GLDC: variants seen among roughly 807,000 people sequenced by gnomAD.
GLDC encodes glycine dehydrogenase (decarboxylating), mitochondrial.
Under a neutral mutation model 121.3 loss-of-function variants are expected in GLDC, and 104 were observed. The ratio of observed to expected loss-of-function variants is 0.86; its 90% CI spans 0.73 to 1.01. The LOEUF (loss-of-function observed/expected upper bound fraction) is 1.01. Ranked by LOEUF, GLDC falls within the 50% of genes least tolerant of loss-of-function variation. The probability of loss-of-function intolerance (pLI) is 0.00; values close to 1 mark genes in which losing one functional copy is unlikely to be tolerated. For synonymous variants in GLDC, 546 were observed against 480.6 expected (o/e 1.14, Z -1.78); for missense variants, 1,429 against 1,306.6 (o/e 1.09, Z -1.44).
intron 2 of GLDC, among the ~76,000 whole-genome samples, chr9:6,636,219 G>A (rs575801259): frequency 7.9e-5 from 12 of 151,804 alleles, no homozygotes; most frequent in Admixed American, 3.3e-4. Flanking sequence ...CAGGAGAATC[G>A]CTTGAACCCA....
At position 6,589,179 on chromosome 9, in the gene GLDC, C is replaced by A. The variant is rs1818327175; in HGVS notation, c.1580+16G>T. ...ACCAAAGCACAAAACGCAGAAGTCA[C>A]ACAAGACACACAAACCTGTTGAACA... On this transcript the variant is annotated intron_variant, in intron 12 of 24. Transcript: ENST00000321612. The A allele has an allele frequency of 5.3e-6, 8 of 1,501,512 alleles. No individual in the cohort carries two copies. Among genetic ancestry groups the A allele is most frequent in the Non-Finnish European group, 6.5e-6 (7 of 1,077,118 alleles). 93.0% of individuals were successfully genotyped at this position (1,501,512 alleles called of 1,614,324 possible).
At chr9:6,621,110 T>C (rs1004053980) in intron 2 of GLDC, among the ~76,000 whole-genome samples, 1 of 152,104 alleles carries the variant, frequency 6.6e-6, no homozygotes, top group Non-Finnish European at 1.5e-5. Context: ...GCAGAGATTG[T>C]AGTGAGCTAA....
At chr9:6,614,184 G>A (rs529195990) in intron 3 of GLDC, among the ~76,000 whole-genome samples, 2 of 152,286 alleles carry the variant, frequency 1.3e-5, no homozygotes, top group East Asian at 3.9e-4. Context: ...GTGATTCACA[G>A]ATATCCTTGC....
chr9:6,588,523 C>G, intron 13 of GLDC, 81 bp from the exon 14 acceptor site: 1 of 1,426,188 alleles, frequency 7.0e-7, no homozygotes, highest in Non-Finnish European at 9.9e-7. Context: ...CCCAGCATGG[C>G]CACCCCTTTG....
At chr9:6,565,085 T>C (rs918765006) in intron 16 of GLDC, among the ~76,000 whole-genome samples, 1 of 152,216 alleles carries the variant, frequency 6.6e-6, no homozygotes, top group African/African-American at 2.4e-5. Flanking sequence ...CTCTGCTCCC[T>C]AGAGAGCAGT....
intron 22 of GLDC, among the ~76,000 whole-genome samples, chr9:6,536,456 A>G (rs1026983267): frequency 2.6e-5 from 4 of 152,240 alleles, no homozygotes; most frequent in Non-Finnish European, 1.5e-5. Context: ...CAAATTTTAC[A>G]GAGCACCTAT....
At chr9:6,604,168 G>A (rs539511956) in intron 7 of GLDC, among the ~76,000 whole-genome samples, 5 of 152,210 alleles carry the variant, frequency 3.3e-5, no homozygotes, top group African/African-American at 1.2e-4. Context: ...AAATGGCCAC[G>A]TGGCGGAAGC....
At chr9:6,593,387 G>A (rs915033506) in intron 9 of GLDC, among the ~76,000 whole-genome samples, 1 of 151,242 alleles carries the variant, frequency 6.6e-6, no homozygotes. Context: ...CAAACTCCTG[G>A]GCTCAAGCTC....
At chr9:6,539,387 G>A (rs577428392) in intron 22 of GLDC, among the ~76,000 whole-genome samples, 1 of 152,242 alleles carries the variant, frequency 6.6e-6, no homozygotes, top group East Asian at 1.9e-4. Flanking sequence ...GCTGAGGCAT[G>A]AGAATCACTT....
At chr9:6,548,244 A>C (rs1321241548) in intron 21 of GLDC, among the ~76,000 whole-genome samples, 2 of 152,232 alleles carry the variant, frequency 1.3e-5, no homozygotes, top group African/African-American at 4.8e-5. Flanking sequence ...TTTCTTTGTC[A>C]TGCTTTATTA....
intron 23 of GLDC, among the ~76,000 whole-genome samples, chr9:6,535,160 T>C (rs958874672): frequency 1.3e-5 from 2 of 152,278 alleles, no homozygotes; most frequent in South Asian, 2.1e-4. Context: ...CATATGTTAA[T>C]AAACTGCATA....
At chr9:6,583,213 A>C (rs1818205932) in intron 15 of GLDC, among the ~76,000 whole-genome samples, 1 of 152,176 alleles carries the variant, frequency 6.6e-6, no homozygotes, top group Non-Finnish European at 1.5e-5. Context: ...CCACTTCTGA[A>C]TATATACCAA....
intron 23 of GLDC, 179 bp downstream of exon 23, chr9:6,535,885 G>A (rs536086749): frequency 1.1e-5 from 7 of 649,912 alleles, no homozygotes; most frequent in African/African-American, 1.1e-4. Flanking sequence ...TTGAGTAACT[G>A]CTATGCTGTT....
chr9:6,599,075 T>G (rs1289031007), intron 8 of GLDC, among the ~76,000 whole-genome samples: 1 of 151,302 alleles, frequency 6.6e-6, no homozygotes, highest in African/African-American at 2.4e-5. Context: ...TCCCAGCTAC[T>G]CAGGAGGCTG....
Position 6,550,851 on chromosome 9 carries a change from C to A in GLDC, c.2521G>T (p.Ala841Ser). 6.2e-7 allele frequency: 1 copy of A among 1,613,724 alleles called. No homozygotes were observed. The highest frequency in any genetic ancestry group is 8.5e-7 in the Non-Finnish European group (1 of 1,179,620). The change falls in exon 21 of 25, where the codon GCC (alanine) becomes TCC (serine). Residue 841 changes from alanine (A) to serine (S), a missense_variant. By Grantham distance (99) the Ala-to-Ser change is moderately conservative (BLOSUM62 1). Coordinates refer to ENST00000321612, the MANE Select transcript of GLDC (RefSeq NM_000170.3). ...CTGTAGTGTGTTTCTAATCGCTTGG[C>A]CATGTAGTTGGCATTTAATATCGCA... ...ETAILNANYMAKRLETHYRIL... is the reference protein window; with the variant it reads ...ETAILNANYMSKRLETHYRIL...
intron 15 of GLDC, among the ~76,000 whole-genome samples, chr9:6,579,686 T>C (rs1818137889): frequency 6.6e-6 from 1 of 152,192 alleles, no homozygotes; most frequent in African/African-American, 2.4e-5. Flanking sequence ...ATGGTTTTAG[T>C]TGCAGAATGT....
chr9:6,618,101 T>C (rs969880018), intron 3 of GLDC, among the ~76,000 whole-genome samples: 4 of 152,238 alleles, frequency 2.6e-5, no homozygotes, highest in East Asian at 1.9e-4. Context: ...ATTATCACCA[T>C]ACTCCATCTA....
intron 14 of GLDC, among the ~76,000 whole-genome samples, 156 bp downstream of exon 14, chr9:6,588,245 A>T (rs775671410): frequency 1.3e-5 from 2 of 152,166 alleles, no homozygotes; most frequent in Non-Finnish European, 2.9e-5. Context: ...ATACAGGGTT[A>T]CTCCCAAGAT....
rs184118598 is a variant in GLDC at position 6,583,797 on chromosome 9, G to A, written c.1850+3344C>T. The stretch of plus-strand genomic sequence containing the variant: ...CAAATATTGTATGATCCACTTATAC[G>A]AGGTTCCTAAAGTAGTCAAATTCAT... On this transcript the variant is annotated intron_variant, in intron 15 of 24. Coordinates refer to ENST00000321612, the MANE Select transcript of GLDC (RefSeq NM_000170.3). Among the ~76,000 whole-genome samples, 23 of 152,280 alleles carry A rather than the reference G, an allele frequency of 1.5e-4. No individual in the cohort carries two copies. The East Asian group carries it at 4.0e-3, about 27-fold the overall frequency.
Sources: allele counts gnomAD v4.1 joint callset (sites outside exome capture counted in the v4.1 genomes callset), GRCh38; gene constraint gnomAD v4.1.1; transcripts MANE v1.5; gene names NCBI Gene and HGNC (gene_info 2026-07-23, HGNC 2026-07-21).